The following INTS3 variants were observed in gnomAD, a reference collection of about 807,000 sequenced individuals.
INTS3 encodes the protein SOSS complex subunit A.
INTS3 carries 34 observed loss-of-function variants against 146.3 expected under a neutral mutation model. The ratio of observed to expected loss-of-function variants is 0.23; its 90% CI spans 0.18 to 0.31. The LOEUF (loss-of-function observed/expected upper bound fraction) is 0.31. INTS3 is among the 10% of genes least tolerant of loss of function. The pLI is 1.00. For synonymous variants in INTS3, 475 were observed against 494.9 expected (o/e 0.96, Z 0.53); for missense variants, 757 against 1,304.2 (o/e 0.58, Z 6.46).
intron 9 of INTS3, among the ~76,000 whole-genome samples, chr1:153,755,903 G>T (rs1281372881): frequency 6.6e-6 from 1 of 152,106 alleles, no homozygotes; most frequent in African/African-American, 2.4e-5. Flanking sequence ...CGCTGGGCGT[G>T]GTGGCACACG....
intron 10 of INTS3, among the ~76,000 whole-genome samples, chr1:153,758,138 C>A (rs894843558): frequency 2.0e-5 from 3 of 152,226 alleles, no homozygotes; most frequent in Non-Finnish European, 2.9e-5. Context: ...GCCTTTTTGG[C>A]ATCAGCTTTG....
Position 153,773,377 on chromosome 1 carries a change from T to C in INTS3, c.*107T>C. The C allele has an allele frequency of 9.7e-7, 1 of 1,028,242 alleles. No homozygotes were observed. Among genetic ancestry groups the C allele is most frequent in the Non-Finnish European group, 1.5e-6 (1 of 661,480 alleles). The allele number at this position is 1,028,242 out of a possible 1,614,324, so 63.7% of individuals were successfully genotyped here. A position where few individuals can be genotyped will look rare whatever the true frequency, so the allele number is the denominator to read the frequency against. On this transcript the variant is annotated 3_prime_UTR_variant, in exon 30 of 30. Coordinates refer to ENST00000318967, the MANE Select transcript of INTS3 (RefSeq NM_023015.5). ...TTGCAGGGGAAACACCCTTGCTGCA[T>C]CCCCAAGCTCCCCCGGTGGAAGGAG...
chr1:153,744,259 C>CTGTA (rs1671647223), intron 3 of INTS3, among the ~76,000 whole-genome samples: 1 of 152,202 alleles, frequency 6.6e-6, no homozygotes, highest in African/African-American at 2.4e-5. Flanking sequence ...TCATCTGACC[C>CTGTA]TGTATCTCCT....
At position 153,763,947 on chromosome 1, in the gene INTS3, C is replaced by A. The variant is rs1672482345; in HGVS notation, c.1821+61C>A. The A allele has an allele frequency of 7.9e-6, 12 of 1,509,812 alleles. No individual in the cohort carries two copies. The South Asian group carries it at 1.4e-4, about 17-fold the overall frequency. The allele number at this position is 1,509,812 out of a possible 1,614,324, so 93.5% of individuals were successfully genotyped here. On this transcript the variant is annotated intron_variant, in intron 17 of 29. Transcript: ENST00000318967. ...CCTAGCCTGCTTAGCTTACACGTCT[C>A]CCAGGGAAGACAACTCACTTTTTCC...
Position 153,772,223 on chromosome 1 carries a change from C to G in INTS3, c.2721-117C>G. ...CCCAACCCCAGCCCTCCCAGGCTGC[C>G]TATCCTGTTCCCCATGTAGGCTGCC... On this transcript the variant is annotated intron_variant, in intron 26 of 29. Transcript: ENST00000318967. This position sits in a 1 kb window ranked among gnomAD's most constrained non-coding sequence, Gnocchi z 4.6. The G allele has an allele frequency of 1.6e-6, 2 of 1,231,642 alleles. No individual in the cohort carries two copies. Among genetic ancestry groups the G allele is most frequent in the Non-Finnish European group, 2.3e-6 (2 of 864,510 alleles). The allele number at this position is 1,231,642 out of a possible 1,614,324, so 76.3% of individuals were successfully genotyped here. A position where few individuals can be genotyped will look rare whatever the true frequency, so the allele number is the denominator to read the frequency against.
At chr1:153,760,943 G>A (rs780474828) in intron 13 of INTS3, 25 bp downstream of exon 13, 2 of 1,603,884 alleles carry the variant, frequency 1.2e-6, no homozygotes, top group Non-Finnish European at 1.7e-6. Flanking sequence ...GGGGGAAGGA[G>A]GTTGTTTTCC....
At position 153,741,317 on chromosome 1, in the gene INTS3, C is replaced by T; in HGVS notation, c.267C>T (p.Ile89=). Reference sequence around the variant, plus strand: ...AAGGCCTCCCCCAGCATGAAGAAATCTGCCTGGGCCTGTTTACTCTCATCC... The same window carrying T: ...AAGGCCTCCCCCAGCATGAAGAAATTTGCCTGGGCCTGTTTACTCTCATCC... The part of the protein sequence containing the change: ...VCKGLPQHEE[I]CLGLFTLILT... The change falls in exon 3 of 30, where the codon ATC becomes ATT. Residue 89 remains isoleucine, a synonymous_variant. Transcript: ENST00000318967. 6.2e-7 allele frequency: 1 copy of T among 1,614,122 alleles called. No homozygotes were observed. Among genetic ancestry groups the T allele is most frequent in the Non-Finnish European group, 8.5e-7 (1 of 1,180,008 alleles).
chr1:153,761,378 T>C, intron 13 of INTS3, 192 bp from the exon 14 acceptor site: 1 of 563,262 alleles, frequency 1.8e-6, no homozygotes, highest in Non-Finnish European at 3.1e-6. Flanking sequence ...GGTGTGATGG[T>C]GCACACCTGT....
intron 1 of INTS3, among the ~76,000 whole-genome samples, chr1:153,730,954 A>G (rs1358628383): frequency 6.6e-6 from 1 of 152,124 alleles, no homozygotes; most frequent in Non-Finnish European, 1.5e-5. Flanking sequence ...CTCTGCACAC[A>G]GAAGTTATGA....
chr1:153,768,218 T>C (rs181368176), intron 21 of INTS3, among the ~76,000 whole-genome samples: 8 of 152,292 alleles, frequency 5.3e-5, no homozygotes, highest in African/African-American at 1.9e-4. Context: ...TGACCAGGGC[T>C]TCTGTAGTGG....
chr1:153,749,737 GC>G (rs932534014), intron 6 of INTS3, among the ~76,000 whole-genome samples: 2 of 152,200 alleles, frequency 1.3e-5, no homozygotes, highest in African/African-American at 4.8e-5. Context: ...GGGTCAGGGG[GC>G]CTTTCAACTC....
chr1:153,760,896 A>C lies in INTS3; in HGVS notation c.1387A>C (p.Ile463Leu). 1.2e-6 allele frequency: 2 copies of C among 1,614,064 alleles called. No homozygotes were observed. Among genetic ancestry groups the C allele is most frequent in the East Asian group, 2.2e-5 (1 of 44,878 alleles). The change falls in exon 13 of 30, where the codon ATT (isoleucine) becomes CTT (leucine). Residue 463 changes from isoleucine (I) to leucine (L), a missense_variant. By Grantham distance (5) the Ile-to-Leu change is conservative. This residue lies in a region of INTS3 where 97 missense variants were observed against 113.6 expected (regional missense o/e 0.85). Coordinates refer to ENST00000318967, the MANE Select transcript of INTS3 (RefSeq NM_023015.5). ...RQGVFSSLNH[I>L]VEKRVLAHLA... ...GGGTGTCTTTTCCTCCCTCAACCAC[A>C]TTGTGGAGAAACGGGTCTTGGCGTA...
chr1:153,740,378 G>T (rs1215633723), intron 1 of INTS3, among the ~76,000 whole-genome samples: 1 of 152,176 alleles, frequency 6.6e-6, no homozygotes, highest in African/African-American at 2.4e-5. Context: ...AGGATTAGAG[G>T]CATGAGCCAC....
Position 153,767,705 on chromosome 1 carries a change from G to A in INTS3, c.2122G>A (p.Glu708Lys). Residue 708 changes from glutamate to lysine, a missense_variant, in exon 21 of 30, where the codon GAG (glutamate) becomes AAG (lysine). Glu to Lys is a moderately conservative substitution (Grantham distance 56). This residue lies in a region of INTS3 where 89 missense variants were observed against 210.9 expected (regional missense o/e 0.42). Coordinates refer to ENST00000318967, the MANE Select transcript of INTS3 (RefSeq NM_023015.5). ...KAAAGKMNLY[E>K]SFAQATQLGD... Reference sequence around the variant, plus strand: ...CGCCGCAGGGAAGATGAACCTGTACGAGTCATTTGCCCAGGCTACCCAGCT... The same window carrying A: ...CGCCGCAGGGAAGATGAACCTGTACAAGTCATTTGCCCAGGCTACCCAGCT... 2 of 1,610,416 alleles carry A rather than the reference G, an allele frequency of 1.2e-6. No homozygotes were observed. Among genetic ancestry groups the A allele is most frequent in the African/African-American group, 1.3e-5 (1 of 74,892 alleles).
At chr1:153,734,866 T>C (rs1252869835) in intron 1 of INTS3, among the ~76,000 whole-genome samples, 4 of 152,196 alleles carry the variant, frequency 2.6e-5, no homozygotes, top group Non-Finnish European at 5.9e-5. Context: ...CAGGAATCTT[T>C]AAGGCCATCC....
Position 153,773,810 on chromosome 1 carries a change from T to C in INTS3, c.*540T>C, listed in dbSNP as rs1673013049. On this transcript the variant is annotated 3_prime_UTR_variant, in exon 30 of 30. Transcript: ENST00000318967. ...TGGTCAGGGTGTCCATTCCTAATCA[T>C]GGGGCAGATGCCACAAGCATTCAGA... 1 of 172,152 alleles carries C rather than the reference T, an allele frequency of 5.8e-6. No individual in the cohort carries two copies. 10.7% of individuals were successfully genotyped at this position (172,152 alleles called of 1,614,324 possible). A position where few individuals can be genotyped will look rare whatever the true frequency, so the allele number is the denominator to read the frequency against.
chr1:153,754,673 C>T lies in INTS3; in HGVS notation c.891C>T (p.Ser297=). 1.2e-6 allele frequency: 2 copies of T among 1,613,224 alleles called. No individual in the cohort carries two copies. Residue 297 remains serine, a synonymous_variant, in exon 9 of 30, where the codon TCC becomes TCT. Transcript: ENST00000318967. ...GILQLLQSRT[S]RKFLACRLTP... ...TACAGCTTCTTCAGTCAAGAACATC[C>T]CGAAAATTCCTAGCATGTCGTCTAA...
rs1292296844 is a variant in INTS3 at position 153,770,059 on chromosome 1, GTGTGTGTGTGTGTGTGTGT to G, written c.2390-138_2390-120del. 4.5e-3 allele frequency: 1,470 copies of G among 326,230 alleles called. 8 individuals are homozygous for G. The highest frequency in any genetic ancestry group is 0.01 in the Admixed American group (223 of 21,980). 20.2% of individuals were successfully genotyped at this position (326,230 alleles called of 1,614,324 possible). On this transcript the variant is annotated intron_variant, in intron 23 of 29. Coordinates refer to ENST00000318967, the MANE Select transcript of INTS3 (RefSeq NM_023015.5). Reference sequence around the variant, plus strand: ...GGGTGCTGGTAGTCAGTGGATTGGGGTGTGTGTGTGTGTGTGTGTGTGTGTGTGTGTGTGTGTGTGTGTG... The same window carrying G: ...GGGTGCTGGTAGTCAGTGGATTGGGGGTGTGTGTGTGTGTGTGTGTGTGTG...
At chr1:153,750,026 T>C (rs962475472) in intron 6 of INTS3, among the ~76,000 whole-genome samples, 1 of 152,146 alleles carries the variant, frequency 6.6e-6, no homozygotes. Flanking sequence ...CCCTTCCAAA[T>C]GTTTCTAGGG....
Sources: allele counts gnomAD v4.1 joint callset (sites outside exome capture counted in the v4.1 genomes callset), GRCh38; gene constraint gnomAD v4.1.1; regional missense constraint gnomAD v4.1.1; non-coding constraint Gnocchi (gnomAD v3.1); transcripts MANE v1.5; gene names NCBI Gene and HGNC (gene_info 2026-07-23, HGNC 2026-07-21).